Variants in CDCA8 observed in about 807,000 individuals in gnomAD.
The protein encoded by CDCA8 is cell division cycle associated 8.
Under a neutral mutation model 40.0 loss-of-function variants are expected in CDCA8, and 25 were observed. The ratio of observed to expected loss-of-function variants is 0.63; its 90% confidence interval spans 0.46 to 0.87. The LOEUF (loss-of-function observed/expected upper bound fraction) is 0.87, where lower values mean the gene tolerates loss of function less well. Ranked by LOEUF, CDCA8 falls within the 40% of genes least tolerant of loss-of-function variation. The pLI is 0.00. For synonymous variants in CDCA8, 111 were observed against 126.5 expected, an observed-to-expected ratio of 0.88 and a Z score of 0.82; for missense variants, 280 against 348.4, an observed-to-expected ratio of 0.80 and a Z score of 1.56.
At chr1:37,695,570 ACT>A (rs1005297348) in intron 2 of CDCA8, among the ~76,000 whole-genome samples, 10 of 151,922 alleles carry the variant, frequency 6.6e-5, no homozygotes, top group Non-Finnish European at 1.2e-4. Flanking sequence ...ACAGAGCAAG[ACT>A]CTGTCTCAAA....
intron 2 of CDCA8, among the ~76,000 whole-genome samples, chr1:37,693,971 C>G (rs1025409654): frequency 6.6e-6 from 1 of 151,998 alleles, no homozygotes; most frequent in South Asian, 2.1e-4. Context: ...AACCCTGTCT[C>G]TACTAAAAAT....
rs1645472619 is a variant in CDCA8 at position 37,692,574 on chromosome 1, C to T, written c.-117C>T. ...TTTTGCTCAGCCCTTGTCTCGGGAC[C>T]GCAGGTACGTGCCTGGCGACTTCTT... On this transcript the variant is annotated 5_prime_UTR_variant, in exon 1 of 10. Transcript: ENST00000373055. 2 of 783,304 alleles carry T rather than the reference C, an allele frequency of 2.6e-6. No individual in the cohort carries two copies. The highest frequency in any genetic ancestry group is 1.5e-5 in the South Asian group (1 of 66,332). The allele number at this position is 783,304 out of a possible 1,614,324, so 48.5% of individuals were successfully genotyped here.
chr1:37,698,532 CTG>C (rs1322525157), intron 3 of CDCA8, among the ~76,000 whole-genome samples: 2 of 152,244 alleles, frequency 1.3e-5, no homozygotes, highest in East Asian at 1.9e-4. Flanking sequence ...AAAAGCACAT[CTG>C]TGTGTGCACA....
intron 8 of CDCA8, among the ~76,000 whole-genome samples, chr1:37,705,810 GTTTT>G (rs35363414): frequency 1.5e-5 from 2 of 129,114 alleles, no homozygotes; most frequent in Non-Finnish European, 3.2e-5. Context: ...TTTTTTGTGG[GTTTT>G]TTTTTTTTTT....
At chr1:37,695,858 CA>C in intron 2 of CDCA8, 51 bp from the exon 3 acceptor site, 1 of 1,528,694 alleles carries the variant, frequency 6.5e-7, no homozygotes, top group South Asian at 1.1e-5. Flanking sequence ...TACTATTAGG[CA>C]AGATGATTTA....
chr1:37,707,004 G>C lies in CDCA8; in HGVS notation c.738G>C (p.Leu246Phe). ...GESLRLLASDLQRHSIAQLDP... is the reference protein window; with the variant it reads ...GESLRLLASDFQRHSIAQLDP... ...GCCTGCGATTATTGGCCAGTGACTT[G>C]CAGAGGCACAGTATTGCCCAGCTGG... Residue 246 changes from leucine (L) to phenylalanine (F), a missense_variant, in exon 9 of 10, where the codon TTG becomes TTC. Physicochemically the swap from Leu to Phe is conservative, Grantham distance 22. Coordinates refer to ENST00000373055, the MANE Select transcript of CDCA8 (RefSeq NM_001256875.2). 6.2e-7 allele frequency: 1 copy of C among 1,614,184 alleles called. No individual in the cohort carries two copies. Among genetic ancestry groups the C allele is most frequent in the African/African-American group, 1.3e-5 (1 of 75,054 alleles).
In CDCA8 at chr1:37,708,859, TG is replaced by T; in HGVS notation, c.*499del. ...GCCATGAGAGGGTAGGTCCAGAAGG[TG>T]GGGGGAACTGTACAGATCAGCAGAG... On this transcript the variant is annotated 3_prime_UTR_variant, in exon 10 of 10. Transcript: ENST00000373055. The T allele has an allele frequency of 4.5e-6, 1 of 221,630 alleles. No homozygotes were observed. Among genetic ancestry groups the T allele is most frequent in the Non-Finnish European group, 9.2e-6 (1 of 109,224 alleles). 13.7% of individuals were successfully genotyped at this position (221,630 alleles called of 1,614,324 possible).
chr1:37,705,267 G>A lies in CDCA8; in HGVS notation c.585-174G>A, dbSNP rs911685195. Among the ~76,000 whole-genome samples, 2 of 152,266 alleles carry A rather than the reference G, an allele frequency of 1.3e-5. 1 individual carries two copies. Among genetic ancestry groups the A allele is most frequent in the East Asian group, 3.9e-4 (2 of 5,190 alleles). ...TAATTACAACCTTCTTTCTCCAGCTGTGTTTAGTCATTACTGCTTTAAAAC... is the reference window on the plus strand; with the variant it reads ...TAATTACAACCTTCTTTCTCCAGCTATGTTTAGTCATTACTGCTTTAAAAC... On this transcript the variant is annotated intron_variant, in intron 7 of 9. Transcript: ENST00000373055.
intron 2 of CDCA8, among the ~76,000 whole-genome samples, chr1:37,695,122 A>C (rs2148285746): frequency 6.6e-6 from 1 of 152,262 alleles, no homozygotes; most frequent in South Asian, 2.1e-4. Context: ...AGGCCAAGGC[A>C]GGTGGATTAC....
chr1:37,694,344 T>C (rs1645512829), intron 2 of CDCA8, among the ~76,000 whole-genome samples: 1 of 152,262 alleles, frequency 6.6e-6, no homozygotes, highest in Non-Finnish European at 1.5e-5. Flanking sequence ...AGACATTGAA[T>C]GATCCTTTTG....
chr1:37,700,439 G>A lies in CDCA8; in HGVS notation c.341G>A (p.Arg114Gln), dbSNP rs35565540. The change falls in exon 5 of 10, where the codon CGA (arginine) becomes CAA (glutamine). Residue 114 changes from arginine to glutamine, a missense_variant. By Grantham distance (43) the Arg-to-Gln change is conservative. Coordinates refer to ENST00000373055, the MANE Select transcript of CDCA8 (RefSeq NM_001256875.2). ...CTGTTGAAACTGTTTCTTACAGCAC[G>A]AAAGGTAATACAGGTAGATGAAATG... ...IQTPLKSAKT[R>Q]KVIQVDEMIV... The A allele has an allele frequency of 1.9e-3, 2,966 of 1,598,210 alleles. 3 individuals are homozygous for A. The highest frequency in any genetic ancestry group is 2.3e-3 in the Non-Finnish European group (2,687 of 1,166,040).
intron 9 of CDCA8, among the ~76,000 whole-genome samples, 172 bp downstream of exon 9, chr1:37,707,236 T>C (rs1645608115): frequency 6.6e-6 from 1 of 152,254 alleles, no homozygotes; most frequent in African/African-American, 2.4e-5. Flanking sequence ...AGCAGTTCTG[T>C]TCCTCAGTTG....
chr1:37,701,692 C>G, intron 5 of CDCA8, 62 bp from the exon 6 acceptor site: 1 of 1,113,712 alleles, frequency 9.0e-7, no homozygotes, highest in Non-Finnish European at 1.3e-6. Context: ...AAAAAAAACC[C>G]TCCTTACCTT....
chr1:37,704,910 A>T (rs1645588784), intron 7 of CDCA8, among the ~76,000 whole-genome samples: 1 of 152,076 alleles, frequency 6.6e-6, no homozygotes, highest in Non-Finnish European at 1.5e-5. Context: ...GGCCTCCCAA[A>T]GTGCTGGGAT....
chr1:37,707,163 T>C, intron 9 of CDCA8, 99 bp downstream of exon 9: 1 of 843,694 alleles, frequency 1.2e-6, no homozygotes. Flanking sequence ...TAATACTTTC[T>C]ACTTAAATTT....
In CDCA8 at chr1:37,692,889, CT is replaced by C; in HGVS notation, c.95-15del. On this transcript the variant is annotated splice_polypyrimidine_tract_variant and intron_variant, in intron 1 of 9. Transcript: ENST00000373055. ...CCGCCCGTGACCCGTGTCCTGTCGG[CT>C]CTGCCCTCCCGCAGTGGAAATACGA... 1.2e-6 allele frequency: 2 copies of C among 1,613,744 alleles called. No individual in the cohort carries two copies. The highest frequency in any genetic ancestry group is 8.5e-7 in the Non-Finnish European group (1 of 1,179,748).
intron 5 of CDCA8, among the ~76,000 whole-genome samples, 192 bp downstream of exon 5, chr1:37,700,713 C>T (rs1331721571): frequency 6.6e-6 from 1 of 152,106 alleles, no homozygotes; most frequent in South Asian, 2.1e-4. Context: ...AGCAAGCCTC[C>T]CCTACCCCAC....
intron 8 of CDCA8, among the ~76,000 whole-genome samples, chr1:37,705,915 T>C (rs1434968049): frequency 6.7e-6 from 1 of 150,138 alleles, no homozygotes; most frequent in Non-Finnish European, 1.5e-5. Context: ...GTTCAAGCGA[T>C]TCTCTTGCCT....
Position 37,705,447 on chromosome 1 carries a change from C to T in CDCA8, c.591C>T (p.Phe197=). 6.2e-7 allele frequency: 1 copy of T among 1,613,884 alleles called. No individual in the cohort carries two copies. Among genetic ancestry groups the T allele is most frequent in the Non-Finnish European group, 8.5e-7 (1 of 1,179,814 alleles). The change falls in exon 8 of 10, where the codon TTC becomes TTT. Residue 197 remains phenylalanine, a synonymous_variant. Coordinates refer to ENST00000373055, the MANE Select transcript of CDCA8 (RefSeq NM_001256875.2). ...AGAGATTTTCCCATTCTAGGGTCTT[C>T]AAGACCCCTGGCCTGCGTACTCCAG... is the stretch of plus-strand genomic sequence containing the variant. The part of the protein sequence containing the change: ...GLTPRFDSRV[F]KTPGLRTPAA...
Sources: gnomAD v4.1 joint callset for allele counts (sites outside exome capture counted in the v4.1 genomes callset) on GRCh38, gnomAD v4.1.1 for gene constraint, MANE v1.5 for transcripts, NCBI Gene and HGNC (gene_info 2026-07-23, HGNC 2026-07-21) for gene names.